The following POLR3E variants were observed in gnomAD, a reference collection of about 807,000 sequenced individuals.
POLR3E encodes RNA polymerase III subunit E.
In POLR3E, 41 loss-of-function variants were observed where a neutral mutation model predicts 96.6. The ratio of observed to expected loss-of-function variants is 0.42; its 90% CI spans 0.33 to 0.55. The LOEUF is 0.55. Among genes scored for constraint, POLR3E ranks in the 20% least tolerant of loss-of-function variants. The probability of loss-of-function intolerance (pLI) is 0.06; values close to 1 mark genes in which losing one functional copy is unlikely to be tolerated. For synonymous variants in POLR3E, 396 were observed against 383.6 expected, an observed-to-expected ratio of 1.03 and a Z score of -0.38; for missense variants, 849 against 952.1, an observed-to-expected ratio of 0.89 and a Z score of 1.43.
intron 10 of POLR3E, 67 bp downstream of exon 10, chr16:22,316,753 G>C: frequency 7.7e-7 from 1 of 1,293,584 alleles, no homozygotes. Context: ...CCTTGGTGTG[G>C]ATCCTCCCAG....
At chr16:22,332,324 A>ACCTGTAATCCCAGC in intron 20 of POLR3E, 139 bp downstream of exon 20, 1 of 731,038 alleles carries the variant, frequency 1.4e-6, no homozygotes, top group Non-Finnish European at 2.2e-6. Flanking sequence ...TGTCTTGAGC[A>ACCTGTAATCCCAGC]ACTGTTAATG....
intron 18 of POLR3E, chr16:22,327,012 T>TG (rs1348057652): frequency 6.5e-6 from 1 of 152,716 alleles, no homozygotes; most frequent in African/African-American, 2.4e-5. Flanking sequence ...GAGTGCTTGC[T>TG]GGGGACCGTT....
At chr16:22,298,339 T>C (rs889142228) in intron 1 of POLR3E, among the ~76,000 whole-genome samples, 1 of 152,208 alleles carries the variant, frequency 6.6e-6, no homozygotes, top group African/African-American at 2.4e-5. Context: ...AGCGTTTGAC[T>C]TGTGGCTTAG....
At chr16:22,309,574 A>G in intron 6 of POLR3E, 64 bp downstream of exon 6, 1 of 1,138,642 alleles carries the variant, frequency 8.8e-7, no homozygotes, top group African/African-American at 1.5e-5. Context: ...CAGGGAGAGT[A>G]CCTCCCCAGC....
Position 22,322,705 on chromosome 16 carries a change from G to A in POLR3E, c.987-145G>A. On this transcript the variant is annotated intron_variant, in intron 13 of 20. Coordinates refer to ENST00000299853, the MANE Select transcript of POLR3E (RefSeq NM_018119.4). The surrounding 1 kb of genome is among the most constrained non-coding windows in gnomAD (Gnocchi z 5.2). The stretch of plus-strand genomic sequence containing the variant: ...CTTTCCCATGTCTGTGTTCACAGAT[G>A]TGGCTCCTAAGGGGAGGTCTTGGGG... 1.7e-6 allele frequency: 1 copy of A among 605,848 alleles called. No homozygotes were observed. Among genetic ancestry groups the A allele is most frequent in the South Asian group, 1.9e-5 (1 of 52,132 alleles). The allele number at this position is 605,848 out of a possible 1,614,324, so 37.5% of individuals were successfully genotyped here.
In POLR3E at chr16:22,300,758, G is replaced by T. The variant is rs540703119; in HGVS notation, c.-38-2173G>T. Among the ~76,000 whole-genome samples the T allele has an allele frequency of 2.0e-5, 3 of 152,320 alleles. No individual in the cohort carries two copies. In the East Asian group the frequency reaches 5.8e-4, roughly 29 times the overall value. ...GGACTGTTACGATAGCTGTTTCCCT[G>T]AAGTTTCTCTTTCTACCCGCTCCAT... On this transcript the variant is annotated intron_variant, in intron 1 of 20. Transcript: ENST00000299853.
At chr16:22,327,573 C>CCTAA (rs1482586643) in intron 18 of POLR3E, 2 of 152,206 alleles carry the variant, frequency 1.3e-5, no homozygotes, top group African/African-American at 4.8e-5. Context: ...ACACCATGGC[C>CCTAA]CTAACTGTAA....
chr16:22,312,795 A>T (rs2048272647), intron 6 of POLR3E, among the ~76,000 whole-genome samples: 1 of 130,144 alleles, frequency 7.7e-6, no homozygotes, highest in South Asian at 2.7e-4. Context: ...TGAACCGGGG[A>T]GGTGGAGGTT....
intron 18 of POLR3E, 98 bp downstream of exon 18, chr16:22,326,376 G>A (rs1439875338): frequency 1.9e-6 from 2 of 1,066,018 alleles, no homozygotes; most frequent in East Asian, 2.6e-5. Flanking sequence ...CATGCTTGGT[G>A]AGCATCTGCT....
In POLR3E at chr16:22,308,316, T is replaced by C. The variant is rs973295485; in HGVS notation, c.165+91T>C. On this transcript the variant is annotated intron_variant, in intron 4 of 20. Coordinates refer to ENST00000299853, the MANE Select transcript of POLR3E (RefSeq NM_018119.4). ...GGCGAGAAGCTCAGAGAAGGAGTCA[T>C]TGGAGAAGTAGGAGAACCAGCAACT... 27 of 1,003,778 alleles carry C rather than the reference T, an allele frequency of 2.7e-5. No homozygotes were observed. In the African/African-American group the frequency reaches 2.9e-4, roughly 11 times the overall value. 62.2% of individuals were successfully genotyped at this position (1,003,778 alleles called of 1,614,324 possible).
chr16:22,304,674 T>G (rs1598236616), intron 2 of POLR3E, among the ~76,000 whole-genome samples: 1 of 147,978 alleles, frequency 6.8e-6, no homozygotes, highest in Admixed American at 6.8e-5. Context: ...GGGGTGGGGG[T>G]GGTTAGTGTT....
intron 6 of POLR3E, among the ~76,000 whole-genome samples, chr16:22,311,735 A>G (rs1285991018): frequency 6.6e-6 from 1 of 151,998 alleles, no homozygotes; most frequent in Non-Finnish European, 1.5e-5. Flanking sequence ...GGCTCAAGCG[A>G]TCCTCTTGTC....
chr16:22,317,638 TTTGTTG>T (rs763710808), intron 12 of POLR3E, among the ~76,000 whole-genome samples: 24 of 151,214 alleles, frequency 1.6e-4, no homozygotes, highest in Non-Finnish European at 2.2e-4. Flanking sequence ...CTAGGGGCTT[TTTGTTG>T]TTGTTGTTGT....
chr16:22,306,116 G>A (rs960932479), intron 3 of POLR3E, among the ~76,000 whole-genome samples: 2 of 152,130 alleles, frequency 1.3e-5, no homozygotes, highest in East Asian at 3.8e-4. Flanking sequence ...TCTGTTTATG[G>A]TTTTGCCTAT....
chr16:22,320,346 C>T (rs922719947), intron 13 of POLR3E, among the ~76,000 whole-genome samples: 2 of 152,108 alleles, frequency 1.3e-5, no homozygotes, highest in African/African-American at 4.8e-5. Context: ...ACTGCAACCT[C>T]TGTCTCCCGG....
chr16:22,299,746 A>G (rs1034547925), intron 1 of POLR3E, among the ~76,000 whole-genome samples: 2 of 151,988 alleles, frequency 1.3e-5, no homozygotes, highest in Non-Finnish European at 2.9e-5. Context: ...CGAGTCTCAC[A>G]CTGTGACCCA....
At chr16:22,329,759 G>A (rs1301679848) in intron 19 of POLR3E, among the ~76,000 whole-genome samples, 4 of 152,170 alleles carry the variant, frequency 2.6e-5, no homozygotes, top group Admixed American at 2.6e-4. Context: ...TTGCACTGCT[G>A]GACCTGACTG....
At chr16:22,310,397 C>A (rs59017003) in intron 6 of POLR3E, 2,454 of 152,602 alleles carry the variant, frequency 0.016, 85 homozygotes, top group East Asian at 0.1. Context: ...AGCGATTCTC[C>A]TGCCTCAGCC....
intron 2 of POLR3E, 117 bp downstream of exon 2, chr16:22,303,121 C>A: frequency 1.1e-6 from 1 of 943,148 alleles, no homozygotes; most frequent in Non-Finnish European, 1.7e-6. Context: ...CTAACCCTTG[C>A]TGTTCCCTCT....
Sources: allele counts gnomAD v4.1 joint callset (sites outside exome capture counted in the v4.1 genomes callset), GRCh38; gene constraint gnomAD v4.1.1; non-coding constraint Gnocchi (gnomAD v3.1); transcripts MANE v1.5; gene names NCBI Gene and HGNC (gene_info 2026-07-23, HGNC 2026-07-21).